PAPPA2: variants seen among roughly 807,000 people sequenced by gnomAD.
PAPPA2 encodes pappalysin 2.
Under a neutral mutation model 176.4 loss-of-function variants are expected in PAPPA2, and 86 were observed. The ratio of observed to expected loss-of-function variants is 0.49; its 90% CI spans 0.41 to 0.58. PAPPA2 has a LOEUF of 0.58. Among genes scored for constraint, PAPPA2 ranks in the 20% least tolerant of loss-of-function variants. The pLI, the probability that PAPPA2 is intolerant of heterozygous loss-of-function variation, is 0.00. For synonymous variants in PAPPA2, 809 were observed against 852.2 expected (o/e 0.95, Z 0.88); for missense variants, 2,073 against 2,256.9 (o/e 0.92, Z 1.65).
intron 3 of PAPPA2, among the ~76,000 whole-genome samples, chr1:176,666,561 A>ATGTGTGTGTGTG (rs139660279): frequency 1.1e-4 from 12 of 109,456 alleles, no homozygotes; most frequent in Admixed American, 8.6e-4. Flanking sequence ...GTAAATATAT[A>ATGTGTGTGTGTG]TGTGTGTGTG....
intron 4 of PAPPA2, among the ~76,000 whole-genome samples, chr1:176,689,820 A>G (rs762718269): frequency 6.6e-6 from 1 of 152,176 alleles, no homozygotes; most frequent in African/African-American, 2.4e-5. Context: ...GAACCCCTGT[A>G]TGTCTTCTTT....
intron 1 of PAPPA2, among the ~76,000 whole-genome samples, chr1:176,468,301 T>G (rs1278680845): frequency 6.6e-6 from 1 of 152,092 alleles, no homozygotes; most frequent in Non-Finnish European, 1.5e-5. Context: ...AGGGCTTTGT[T>G]GATGTGGGAA....
At chr1:176,620,083 G>A (rs1444249167) in intron 3 of PAPPA2, among the ~76,000 whole-genome samples, 3 of 152,180 alleles carry the variant, frequency 2.0e-5, no homozygotes, top group Non-Finnish European at 2.9e-5. Flanking sequence ...AGCAAATTCA[G>A]TGCCTGGTGA....
intron 1 of PAPPA2, among the ~76,000 whole-genome samples, chr1:176,483,043 T>A (rs547903458): frequency 3.9e-5 from 6 of 152,188 alleles, no homozygotes; most frequent in Non-Finnish European, 8.8e-5. Flanking sequence ...ATGTCCTCCA[T>A]GTGGCTGAAG....
At chr1:176,612,822 A>G (rs1451645697) in intron 3 of PAPPA2, among the ~76,000 whole-genome samples, 1 of 152,204 alleles carries the variant, frequency 6.6e-6, no homozygotes, top group Non-Finnish European at 1.5e-5. Context: ...AAGGGTTAAA[A>G]TAATTTTATT....
chr1:176,647,711 A>C (rs1440882704), intron 3 of PAPPA2, among the ~76,000 whole-genome samples: 1 of 151,878 alleles, frequency 6.6e-6, no homozygotes, highest in South Asian at 2.1e-4. Flanking sequence ...TTTGTCAAAA[A>C]TGAGTTGGCT....
At chr1:176,536,339 A>T (rs1650066280) in intron 1 of PAPPA2, among the ~76,000 whole-genome samples, 1 of 152,248 alleles carries the variant, frequency 6.6e-6, no homozygotes, top group Admixed American at 6.5e-5. Context: ...CAGTAACAAC[A>T]TTGATGCTGA....
At chr1:176,763,031 C>A (rs1663767292) in intron 14 of PAPPA2, among the ~76,000 whole-genome samples, 1 of 152,180 alleles carries the variant, frequency 6.6e-6, no homozygotes, top group African/African-American at 2.4e-5. Context: ...GCAACTTTAG[C>A]ATATTTAGTC....
intron 3 of PAPPA2, among the ~76,000 whole-genome samples, chr1:176,660,593 T>C (rs1337239518): frequency 6.6e-6 from 1 of 152,102 alleles, no homozygotes; most frequent in Non-Finnish European, 1.5e-5. Flanking sequence ...CAGGATTTAG[T>C]GTGAGTTGTT....
At chr1:176,759,706 CA>C in intron 14 of PAPPA2, among the ~76,000 whole-genome samples, 1 of 152,242 alleles carries the variant, frequency 6.6e-6, no homozygotes, top group African/African-American at 2.4e-5. Flanking sequence ...GCGATAGCCT[CA>C]AAAAGTGGAC....
At chr1:176,465,336 G>A (rs144095673) in intron 1 of PAPPA2, among the ~76,000 whole-genome samples, 20 of 152,288 alleles carry the variant, frequency 1.3e-4, no homozygotes, top group African/African-American at 3.4e-4. Flanking sequence ...CCAGAAGACT[G>A]CAACAACTTA....
intron 12 of PAPPA2, among the ~76,000 whole-genome samples, chr1:176,736,963 A>G (rs1354295594): frequency 6.6e-6 from 1 of 152,036 alleles, no homozygotes; most frequent in Non-Finnish European, 1.5e-5. Flanking sequence ...TTTTTAGGCT[A>G]TACATTTCAG....
chr1:176,706,325 T>G, intron 9 of PAPPA2, 34 bp from the exon 10 acceptor site: 2 of 1,559,920 alleles, frequency 1.3e-6, no homozygotes, highest in Non-Finnish European at 1.8e-6. Flanking sequence ...TTTGTGTGTA[T>G]GTGTTATATA....
intron 3 of PAPPA2, among the ~76,000 whole-genome samples, chr1:176,623,979 T>TA (rs1410417718): frequency 6.6e-6 from 1 of 151,788 alleles, no homozygotes; most frequent in Non-Finnish European, 1.5e-5. Context: ...TAGCTGGGGC[T>TA]ACAGGTGCAT....
intron 14 of PAPPA2, among the ~76,000 whole-genome samples, chr1:176,746,686 A>T (rs774210208): frequency 2.0e-5 from 3 of 152,240 alleles, no homozygotes; most frequent in Non-Finnish European, 4.4e-5. Flanking sequence ...ATAAATACAC[A>T]TTCTGATTGA....
At chr1:176,839,124 G>A (rs1358763438) in intron 21 of PAPPA2, among the ~76,000 whole-genome samples, 4 of 152,182 alleles carry the variant, frequency 2.6e-5, no homozygotes, top group Admixed American at 1.3e-4. Context: ...GAACTCAAGA[G>A]TTCTGTGGCC....
At chr1:176,616,236 T>C in intron 3 of PAPPA2, 1 of 442,138 alleles carries the variant, frequency 2.3e-6, no homozygotes. Context: ...CTATCTCAAG[T>C]TCCACTTCCA....
At chr1:176,724,445 G>GTT (rs1661767907) in intron 12 of PAPPA2, among the ~76,000 whole-genome samples, 1 of 152,068 alleles carries the variant, frequency 6.6e-6, no homozygotes, top group Non-Finnish European at 1.5e-5. Context: ...GGTTTCATAG[G>GTT]GAGCCCGTCA....
intron 12 of PAPPA2, among the ~76,000 whole-genome samples, chr1:176,734,702 A>T (rs1208587065): frequency 1.3e-5 from 2 of 152,138 alleles, no homozygotes; most frequent in Non-Finnish European, 2.9e-5. Flanking sequence ...AAATTTCAGA[A>T]GTCCACACAG....
Sources: gnomAD v4.1 joint callset for allele counts (sites outside exome capture counted in the v4.1 genomes callset) on GRCh38, gnomAD v4.1.1 for gene constraint, MANE v1.5 for transcripts, NCBI Gene and HGNC (gene_info 2026-07-23, HGNC 2026-07-21) for gene names.